The following USP34 variants were observed in gnomAD, a reference collection of about 807,000 sequenced individuals.
USP34 encodes ubiquitin carboxyl-terminal hydrolase 34.
USP34 carries 70 observed loss-of-function variants against 460.3 expected under a neutral mutation model. The ratio of observed to expected loss-of-function variants is 0.15; its 90% CI spans 0.13 to 0.19. The LOEUF (loss-of-function observed/expected upper bound fraction) is 0.19. USP34 is among the 10% of genes least tolerant of loss of function. USP34 has a pLI of 1.00. For missense variants in USP34, 3,985 were observed against 4,236.2 expected (o/e 0.94, Z 1.65); for synonymous variants, 1,647 against 1,405.3 (o/e 1.17, Z -3.85).
At chr2:61,332,327 A>G (rs1691295069) in intron 19 of USP34, among the ~76,000 whole-genome samples, 1 of 152,072 alleles carries the variant, frequency 6.6e-6, no homozygotes, top group African/African-American at 2.4e-5. Flanking sequence ...ACTGATGTCA[A>G]ATAACCACAG....
rs113017329 is a variant in USP34 at position 61,326,766 on chromosome 2, G to T, written c.2931-1309C>A. Among the ~76,000 whole-genome samples the T allele has an allele frequency of 8.8e-3, 1,298 of 147,740 alleles. 18 individuals carry two copies. The highest frequency in any genetic ancestry group is 0.031 in the African/African-American group (1,238 of 40,240). On this transcript the variant is annotated intron_variant, in intron 20 of 79. Transcript: ENST00000398571. ...CTGATCTATAACCTAGCATGCAGAA[G>T]GTCAATGGGCATTTTTTTTTTTTTT...
chr2:61,369,009 A>T (rs1022737924), intron 10 of USP34, among the ~76,000 whole-genome samples: 11 of 152,246 alleles, frequency 7.2e-5, no homozygotes, highest in African/African-American at 2.7e-4. Context: ...ATTGATAAAT[A>T]GCAAAAAATA....
intron 1 of USP34, among the ~76,000 whole-genome samples, chr2:61,460,511 G>A (rs1695566708): frequency 6.6e-6 from 1 of 152,078 alleles, no homozygotes; most frequent in Admixed American, 6.6e-5. Flanking sequence ...AAGCTTATTT[G>A]AAGTGAAAAG....
chr2:61,196,143 C>T (rs1335150020), intron 75 of USP34, among the ~76,000 whole-genome samples: 4 of 133,320 alleles, frequency 3.0e-5, no homozygotes, highest in East Asian at 2.4e-4. Flanking sequence ...TGCAGTGGCG[C>T]GATCTCGGCT....
At chr2:61,445,352 A>G (rs960227072) in intron 1 of USP34, among the ~76,000 whole-genome samples, 7 of 150,384 alleles carry the variant, frequency 4.7e-5, no homozygotes, top group East Asian at 4.0e-4. Context: ...TGGCTAACAC[A>G]GTGAAACCCC....
chr2:61,449,974 G>A (rs377448234), intron 1 of USP34, among the ~76,000 whole-genome samples: 29 of 152,254 alleles, frequency 1.9e-4, no homozygotes, highest in South Asian at 6.2e-4. Context: ...GCTGAGGCTG[G>A]AGAATCACTT....
At chr2:61,267,749 G>A (rs960340757) in intron 41 of USP34, among the ~76,000 whole-genome samples, 20 of 152,106 alleles carry the variant, frequency 1.3e-4, no homozygotes, top group Middle Eastern at 3.4e-3. Flanking sequence ...AATTAGTTGG[G>A]ACTACAGGCG....
chr2:61,222,934 C>T (rs551934532), intron 64 of USP34, 126 bp downstream of exon 64: 12 of 846,240 alleles, frequency 1.4e-5, no homozygotes, highest in East Asian at 5.3e-5. Flanking sequence ...TAGGCTCAAG[C>T]GATCCTCCCG....
At chr2:61,467,171 C>CGT (rs1325309861) in intron 1 of USP34, among the ~76,000 whole-genome samples, 1 of 151,904 alleles carries the variant, frequency 6.6e-6, no homozygotes, top group Non-Finnish European at 1.5e-5. Flanking sequence ...GGCATGGTGA[C>CGT]GTGTGCCTGT....
intron 43 of USP34, among the ~76,000 whole-genome samples, chr2:61,261,185 A>G (rs538166795): frequency 1.3e-5 from 2 of 152,236 alleles, no homozygotes; most frequent in Non-Finnish European, 2.9e-5. Context: ...TAAAAGCAGG[A>G]ACTCAAACAT....
At chr2:61,339,313 T>C (rs1572948066) in intron 18 of USP34, 38 bp downstream of exon 18, 1 of 1,589,318 alleles carries the variant, frequency 6.3e-7, no homozygotes, top group South Asian at 1.2e-5. Flanking sequence ...CCCAAATACT[T>C]TGACTACTGC....
At chr2:61,235,710 C>A in intron 57 of USP34, 135 bp downstream of exon 57, 1 of 736,608 alleles carries the variant, frequency 1.4e-6, no homozygotes, top group Non-Finnish European at 2.2e-6. Flanking sequence ...TCTCAGCTAC[C>A]AAATGATTTT....
chr2:61,413,917 G>A (rs1020938753), intron 2 of USP34, among the ~76,000 whole-genome samples: 5 of 147,998 alleles, frequency 3.4e-5, no homozygotes, highest in South Asian at 2.1e-4. Context: ...GCGATACAGT[G>A]AGACTCAGTC....
Position 61,395,105 on chromosome 2 carries a change from A to G in USP34, c.603+78T>C, listed in dbSNP as rs1315778455. 5 of 1,441,302 alleles carry G rather than the reference A, an allele frequency of 3.5e-6. No individual in the cohort carries two copies. In the East Asian group the frequency reaches 7.1e-5, roughly 21 times the overall value. 89.3% of individuals were successfully genotyped at this position (1,441,302 alleles called of 1,614,324 possible). On this transcript the variant is annotated intron_variant, in intron 4 of 79. Coordinates refer to ENST00000398571, the MANE Select transcript of USP34 (RefSeq NM_014709.4). ...GATGAGAAACTCAAAAGACATATAT[A>G]AATAATAAAACATATGGATGAGGCT...
chr2:61,422,797 A>G (rs1408198304), intron 1 of USP34, among the ~76,000 whole-genome samples: 1 of 152,160 alleles, frequency 6.6e-6, no homozygotes, highest in African/African-American at 2.4e-5. Context: ...TTAGGAGGTC[A>G]AGACCAGCCT....
intron 62 of USP34, 131 bp from the exon 63 acceptor site, chr2:61,223,427 C>T (rs1486821975): frequency 7.5e-6 from 7 of 936,242 alleles, no homozygotes; most frequent in Non-Finnish European, 1.1e-5. Context: ...TGATTTTTTG[C>T]TAGCTACATT....
chr2:61,270,824 A>G (rs111235585), intron 41 of USP34, among the ~76,000 whole-genome samples: 2,778 of 152,314 alleles, frequency 0.018, 29 homozygotes, highest in Non-Finnish European at 0.024. Context: ...CTGTGCCCAC[A>G]ATAGATGGCC....
At chr2:61,355,430 A>G (rs745570051) in intron 10 of USP34, among the ~76,000 whole-genome samples, 7 of 152,212 alleles carry the variant, frequency 4.6e-5, no homozygotes, top group African/African-American at 1.7e-4. Flanking sequence ...CCAAGTTGCA[A>G]TTTGTGACAG....
intron 3 of USP34, among the ~76,000 whole-genome samples, chr2:61,398,424 AG>A (rs888315563): frequency 8.5e-6 from 1 of 117,772 alleles, no homozygotes; most frequent in African/African-American, 3.2e-5. Flanking sequence ...GGGGGGTGAA[AG>A]GGTAAGGGAG....
Sources: allele counts gnomAD v4.1 joint callset (sites outside exome capture counted in the v4.1 genomes callset), GRCh38; gene constraint gnomAD v4.1.1; transcripts MANE v1.5; gene names NCBI Gene and HGNC (gene_info 2026-07-23, HGNC 2026-07-21).